Variants in TSNARE1 observed in about 807,000 individuals in gnomAD.
TSNARE1 encodes t-SNARE domain-containing protein 1.
A neutral mutation model predicts 62.0 loss-of-function variants in TSNARE1; 49 were observed. That is an observed-to-expected ratio of 0.79 (90% CI 0.63 to 1.00). The LOEUF is 1.00. Ranked by LOEUF, TSNARE1 falls within the 50% of genes least tolerant of loss-of-function variation. The pLI, the probability that TSNARE1 is intolerant of heterozygous loss-of-function variation, is 0.00. For synonymous variants in TSNARE1, 328 were observed against 294.4 expected (o/e 1.11, Z -1.17); for missense variants, 755 against 700.1 (o/e 1.08, Z -0.88).
In TSNARE1 at chr8:142,239,264, T is replaced by C. The variant is rs139600846; in HGVS notation, c.1447-9685A>G. On this transcript the variant is annotated intron_variant, in intron 12 of 13. Coordinates refer to ENST00000524325, the MANE Select transcript of TSNARE1 (RefSeq NM_145003.5). ...GGCTTCCCAGAGCAGACACCCCTCC[T>C]TTCTGCAGAAGAAGGTGGCCGGGGG... Among the ~76,000 whole-genome samples, 788 of 152,324 alleles carry C rather than the reference T, an allele frequency of 5.2e-3. 5 individuals carry two copies. Among genetic ancestry groups the C allele is most frequent in the African/African-American group, 0.018 (758 of 41,580 alleles).
intron 13 of TSNARE1, among the ~76,000 whole-genome samples, chr8:142,227,850 T>G (rs1413025186): frequency 6.6e-6 from 1 of 152,196 alleles, no homozygotes; most frequent in Non-Finnish European, 1.5e-5. Context: ...ACAGGATAAA[T>G]TTAGATAATG....
At chr8:142,230,962 A>T (rs73362788) in intron 12 of TSNARE1, among the ~76,000 whole-genome samples, 1 of 146,864 alleles carries the variant, frequency 6.8e-6, no homozygotes, top group Non-Finnish European at 1.5e-5. Flanking sequence ...CCATCATCCA[A>T]CCATCCATCC....
intron 4 of TSNARE1, among the ~76,000 whole-genome samples, chr8:142,341,986 C>T (rs1001493932): frequency 3.9e-5 from 6 of 152,336 alleles, no homozygotes; most frequent in Non-Finnish European, 2.9e-5. Context: ...CAGGCCCTGC[C>T]GGCCACCTAC....
At position 142,316,886 on chromosome 8, in the gene TSNARE1, G is replaced by A. The variant is rs553516158; in HGVS notation, c.984+1658C>T. On this transcript the variant is annotated intron_variant, in intron 7 of 13. Coordinates refer to ENST00000524325, the MANE Select transcript of TSNARE1 (RefSeq NM_145003.5). ...CACATGTATTTTCCACAGGGAGGGC[G>A]GCATGCATTTCCCCTGTAGGACTGG... 3.9e-5 allele frequency among the ~76,000 whole-genome samples: 6 copies of A among 152,010 alleles called. No homozygotes were observed. The South Asian group carries it at 8.3e-4, about 21-fold the overall frequency.
intron 5 of TSNARE1, among the ~76,000 whole-genome samples, chr8:142,331,453 G>C (rs1463041746): frequency 6.6e-6 from 1 of 152,208 alleles, no homozygotes; most frequent in South Asian, 2.1e-4. Context: ...GTCAGGGAGA[G>C]GAGCCAGCAG....
intron 1 of TSNARE1, among the ~76,000 whole-genome samples, chr8:142,401,349 G>A (rs1838276898): frequency 6.6e-6 from 1 of 152,040 alleles, no homozygotes; most frequent in Non-Finnish European, 1.5e-5. Context: ...GGAGTGCCAG[G>A]GCATTCCAAG....
chr8:142,278,976 T>C (rs1057066478), intron 11 of TSNARE1, among the ~76,000 whole-genome samples: 7 of 152,204 alleles, frequency 4.6e-5, no homozygotes, highest in African/African-American at 1.7e-4. Context: ...GGGAGCTATG[T>C]CAAGGGCCAG....
chr8:142,369,483 C>A (rs1461231238), intron 1 of TSNARE1, among the ~76,000 whole-genome samples: 6 of 152,164 alleles, frequency 3.9e-5, no homozygotes, highest in Non-Finnish European at 8.8e-5. Flanking sequence ...AAAAAGCAAA[C>A]CACTGTCAAG....
chr8:142,387,191 C>T (rs1467123784), intron 1 of TSNARE1, among the ~76,000 whole-genome samples: 1 of 152,152 alleles, frequency 6.6e-6, no homozygotes, highest in Non-Finnish European at 1.5e-5. Context: ...AATTTTAAAA[C>T]TTGCTCCTGA....
intron 1 of TSNARE1, among the ~76,000 whole-genome samples, chr8:142,379,710 C>T (rs1836595595): frequency 6.6e-6 from 1 of 152,190 alleles, no homozygotes; most frequent in Non-Finnish European, 1.5e-5. Context: ...GCCCAAGCCC[C>T]CAAGTCAGGT....
At chr8:142,385,115 G>A (rs940578323) in intron 1 of TSNARE1, among the ~76,000 whole-genome samples, 2 of 152,104 alleles carry the variant, frequency 1.3e-5, no homozygotes, top group African/African-American at 2.4e-5. Flanking sequence ...AAGAGAGGGA[G>A]GGAGGGAGGA....
chr8:142,299,196 G>A (rs1224260826), intron 10 of TSNARE1, among the ~76,000 whole-genome samples: 1 of 152,224 alleles, frequency 6.6e-6, no homozygotes, highest in Admixed American at 6.5e-5. Flanking sequence ...CCACAGCAGA[G>A]GCAGGGAGGT....
intron 11 of TSNARE1, among the ~76,000 whole-genome samples, chr8:142,280,587 C>A (rs1299859273): frequency 6.6e-6 from 1 of 152,182 alleles, no homozygotes; most frequent in Non-Finnish European, 1.5e-5. Context: ...TGGTTTGTCC[C>A]CCTCCCCACG....
chr8:142,311,867 C>A (rs1563886825), intron 9 of TSNARE1, among the ~76,000 whole-genome samples: 1 of 152,146 alleles, frequency 6.6e-6, no homozygotes. Flanking sequence ...ATTTAGCTAA[C>A]CCACTAAATT....
chr8:142,306,261 C>T (rs1210458273), intron 9 of TSNARE1, among the ~76,000 whole-genome samples: 3 of 152,248 alleles, frequency 2.0e-5, no homozygotes, highest in African/African-American at 7.2e-5. Context: ...ACCTCCAGCC[C>T]TGTGCCTCAA....
chr8:142,341,048 G>A (rs573254420), intron 4 of TSNARE1, among the ~76,000 whole-genome samples: 8 of 152,320 alleles, frequency 5.3e-5, no homozygotes, highest in African/African-American at 1.9e-4. Flanking sequence ...TAACTGCAGA[G>A]CCCGCCTGGG....
intron 11 of TSNARE1, among the ~76,000 whole-genome samples, chr8:142,282,193 G>C (rs948408118): frequency 1.3e-5 from 2 of 152,136 alleles, no homozygotes; most frequent in East Asian, 3.9e-4. Context: ...AGGCCTGCAC[G>C]TTCCCATGCC....
At chr8:142,331,681 T>C in intron 5 of TSNARE1, 73 bp downstream of exon 5, 1 of 1,442,070 alleles carries the variant, frequency 6.9e-7, no homozygotes, top group Non-Finnish European at 9.5e-7. Flanking sequence ...TCCAGCACCC[T>C]CGCCTCCAAT....
rs138888385 is a variant in TSNARE1, at chr8:142,325,413, G to A, written c.893+5488C>T. On this transcript the variant is annotated intron_variant, in intron 6 of 13. Coordinates refer to ENST00000524325, the MANE Select transcript of TSNARE1 (RefSeq NM_145003.5). ...AGCTCTGCATGGACAATCCACCGTCGGGGGCAAGACTAGGGGTGGGGAGGC... is the reference window on the plus strand; with the variant it reads ...AGCTCTGCATGGACAATCCACCGTCAGGGGCAAGACTAGGGGTGGGGAGGC... Among the ~76,000 whole-genome samples the A allele has an allele frequency of 8.9e-4, 136 of 152,326 alleles. 1 individual carries two copies. The highest frequency in any genetic ancestry group is 3.2e-3 in the African/African-American group (133 of 41,568).
Sources: gnomAD v4.1 joint callset for allele counts (sites outside exome capture counted in the v4.1 genomes callset) on GRCh38, gnomAD v4.1.1 for gene constraint, MANE v1.5 for transcripts, NCBI Gene and HGNC (gene_info 2026-07-23, HGNC 2026-07-21) for gene names.